The following C20orf203 variants were observed in gnomAD, a reference collection of about 807,000 sequenced individuals.
C20orf203 encodes chromosome 20 open reading frame 203.
A neutral mutation model predicts 15.9 loss-of-function variants in C20orf203; 16 were observed. The ratio of observed to expected loss-of-function variants is 1.01; its 90% CI spans 0.68 to 1.53. The LOEUF is 1.53. Ranked by LOEUF, C20orf203 falls within the 40% of genes most tolerant of loss-of-function variation. C20orf203 has a pLI of 0.00. For missense variants in C20orf203, 263 were observed against 247.5 expected (o/e 1.06, Z -0.42); for synonymous variants, 98 against 97.2 (o/e 1.01, Z -0.05).
At chr20:32,661,459 G>T (rs191947060) in intron 1 of C20orf203, among the ~76,000 whole-genome samples, 14 of 152,320 alleles carry the variant, frequency 9.2e-5, no homozygotes, top group Non-Finnish European at 1.0e-4. Flanking sequence ...TGAAGGATGT[G>T]CTCCAGTGGT....
At chr20:32,663,781 C>T (rs1402124477) in intron 1 of C20orf203, among the ~76,000 whole-genome samples, 3 of 152,220 alleles carry the variant, frequency 2.0e-5, no homozygotes, top group Non-Finnish European at 4.4e-5. Context: ...ACCAGCTGGC[C>T]CAGCCAGGCC....
intron 5 of C20orf203, among the ~76,000 whole-genome samples, chr20:32,640,344 C>G (rs1272371274): frequency 1.3e-5 from 2 of 152,056 alleles, no homozygotes; most frequent in Non-Finnish European, 2.9e-5. Context: ...GCATGCAATT[C>G]AATGGTTGCT....
intron 1 of C20orf203, among the ~76,000 whole-genome samples, chr20:32,655,653 C>T (rs772407047): frequency 4.6e-5 from 7 of 151,992 alleles, no homozygotes; most frequent in Non-Finnish European, 1.0e-4. Flanking sequence ...ATTAGCCCGG[C>T]GTGGTGGCAG....
At chr20:32,651,211 C>T (rs1982616254) in intron 2 of C20orf203, 45 bp from the exon 3 acceptor site, 1 of 494,862 alleles carries the variant, frequency 2.0e-6, no homozygotes, top group East Asian at 3.3e-5. Context: ...GGTGTGTTGG[C>T]TTGCGCCTGA....
In C20orf203 at chr20:32,655,026, C is replaced by T. The variant is rs1049962704; in HGVS notation, c.-263-3045G>A. ...AATAAACCCTCACATTTGGTTCAGC[C>T]GCAAGAGCCGAACATATTTAATGGT... is the stretch of plus-strand genomic sequence containing the variant. On this transcript the variant is annotated intron_variant, in intron 1 of 5. Transcript: ENST00000608990. Among the ~76,000 whole-genome samples the T allele has an allele frequency of 2.6e-4, 39 of 152,024 alleles. 1 individual carries two copies. Among genetic ancestry groups the T allele is most frequent in the African/African-American group, 1.2e-4 (5 of 41,386 alleles).
intron 1 of C20orf203, among the ~76,000 whole-genome samples, chr20:32,667,510 A>G (rs893020895): frequency 1.4e-4 from 22 of 152,184 alleles, no homozygotes; most frequent in Admixed American, 1.1e-3. Flanking sequence ...AATTCCATCC[A>G]TGTAACCCTG....
rs1982066112 is a variant in C20orf203, at chr20:32,633,813, C to T, written c.*1757G>A. ...TCACCGCGTTGCACTACCTGGTCCC[C>T]TGGTCCCAGCCTCCTTTCATGGAAG... On this transcript the variant is annotated 3_prime_UTR_variant, in exon 6 of 6. Transcript: ENST00000608990. 2.6e-6 allele frequency: 1 copy of T among 386,394 alleles called. No homozygotes were observed. Among genetic ancestry groups the T allele is most frequent in the Non-Finnish European group, 4.6e-6 (1 of 218,916 alleles). 23.9% of individuals were successfully genotyped at this position (386,394 alleles called of 1,614,324 possible).
chr20:32,633,910 G>A lies in C20orf203; in HGVS notation c.*1660C>T, dbSNP rs1416351057. 2.5e-6 allele frequency: 1 copy of A among 397,696 alleles called. No individual in the cohort carries two copies. Among genetic ancestry groups the A allele is most frequent in the African/African-American group, 2.1e-5 (1 of 48,628 alleles). The allele number at this position is 397,696 out of a possible 1,614,324, so 24.6% of individuals were successfully genotyped here. A position where few individuals can be genotyped will look rare whatever the true frequency, so the allele number is the denominator to read the frequency against. On this transcript the variant is annotated 3_prime_UTR_variant, in exon 6 of 6. Coordinates refer to ENST00000608990, the MANE Select transcript of C20orf203 (RefSeq NM_182584.4). The stretch of plus-strand genomic sequence containing the variant: ...CTGAACCTTCCACCCCGTCCGCCTG[G>A]ACTGGATGCTTCTCCCGGATCCTGA...
chr20:32,648,069 G>A (rs1011596542), intron 4 of C20orf203, among the ~76,000 whole-genome samples: 6 of 152,198 alleles, frequency 3.9e-5, no homozygotes, highest in African/African-American at 7.2e-5. Context: ...ACAGAGATCT[G>A]CTACTTGGGC....
At chr20:32,660,310 G>A (rs563496526) in intron 1 of C20orf203, among the ~76,000 whole-genome samples, 2 of 152,324 alleles carry the variant, frequency 1.3e-5, no homozygotes, top group Non-Finnish European at 2.9e-5. Flanking sequence ...GAATGACAGA[G>A]CCAAGGGCCA....
intron 1 of C20orf203, among the ~76,000 whole-genome samples, chr20:32,668,789 C>T (rs547188643): frequency 3.3e-5 from 5 of 152,128 alleles, no homozygotes; most frequent in African/African-American, 1.2e-4. Flanking sequence ...TGTAGTCCAG[C>T]CTGGGTGACA....
intron 1 of C20orf203, among the ~76,000 whole-genome samples, chr20:32,664,652 G>A (rs1231864119): frequency 6.6e-6 from 1 of 152,218 alleles, no homozygotes; most frequent in African/African-American, 2.4e-5. Context: ...GAGAGGACCA[G>A]GCAGTGGCTT....
intron 1 of C20orf203, among the ~76,000 whole-genome samples, chr20:32,670,946 C>G (rs1295720480): frequency 1.3e-5 from 2 of 151,392 alleles, no homozygotes; most frequent in Admixed American, 6.6e-5. Context: ...CCTCACTGAT[C>G]ACCAGAGAAA....
chr20:32,650,757 G>C lies in C20orf203; in HGVS notation c.260C>G (p.Pro87Arg), dbSNP rs750670496. The C allele has an allele frequency of 3.3e-6, 5 of 1,526,198 alleles. No individual in the cohort carries two copies. The South Asian group carries it at 6.2e-5, about 19-fold the overall frequency. 94.5% of individuals were successfully genotyped at this position (1,526,198 alleles called of 1,614,324 possible). A position where few individuals can be genotyped will look rare whatever the true frequency, so the allele number is the denominator to read the frequency against. ...TTCCTGATAAGGGCCTGGGTGTTGC[G>C]GAGGAGGAGGCTGGCGCTGGTGGCT... The part of the protein sequence containing the change: ...QPSHQRQPPP[P>R]QHPGPYQERI... The change falls in exon 4 of 6, where the codon CCG (proline) becomes CGG (arginine). Residue 87 changes from proline to arginine, a missense_variant. By Grantham distance (103) the Pro-to-Arg change is moderately radical (BLOSUM62 -2). Transcript: ENST00000608990.
chr20:32,650,777 G>A lies in C20orf203; in HGVS notation c.240C>T (p.His80=). Residue 80 remains histidine, a synonymous_variant, in exon 4 of 6, where the codon CAC becomes CAT. Transcript: ENST00000608990. ...GTTGCGGAGGAGGAGGCTGGCGCTG[G>A]TGGCTGGGCTGGGGGTGGACTCGCT... is the stretch of plus-strand genomic sequence containing the variant. ...KAQRVHPQPS[H]QRQPPPPQHP... The A allele has an allele frequency of 6.6e-7, 1 of 1,513,676 alleles. No homozygotes were observed. Among genetic ancestry groups the A allele is most frequent in the Non-Finnish European group, 8.9e-7 (1 of 1,128,242 alleles). The allele number at this position is 1,513,676 out of a possible 1,614,324, so 93.8% of individuals were successfully genotyped here.
chr20:32,667,262 C>A (rs1056109661), intron 1 of C20orf203, among the ~76,000 whole-genome samples: 1 of 152,152 alleles, frequency 6.6e-6, no homozygotes, highest in African/African-American at 2.4e-5. Context: ...TAAGCAGGGG[C>A]ATCATGTGAT....
chr20:32,650,599 G>T lies in C20orf203; in HGVS notation c.418C>A (p.Pro140Thr), dbSNP rs1374562736. The T allele has an allele frequency of 5.2e-5, 81 of 1,547,890 alleles. No homozygotes were observed. The highest frequency in any genetic ancestry group is 7.0e-5 in the Non-Finnish European group (80 of 1,144,752). ...AAGTCCCCCACCGTGCCCATTCTGG[G>T]CATCCCTCCCATTGCCCTCCCCCGC... is the stretch of plus-strand genomic sequence containing the variant. ...AGRGRAMGGM[P>T]RMGTVGDFGQ... Residue 140 changes from proline (P) to threonine (T), a missense_variant, in exon 4 of 6, where the codon CCC (proline) becomes ACC (threonine). Physicochemically the swap from Pro to Thr is conservative, Grantham distance 38. Transcript: ENST00000608990.
chr20:32,648,987 C>G (rs1982526629), intron 4 of C20orf203, among the ~76,000 whole-genome samples: 1 of 152,172 alleles, frequency 6.6e-6, no homozygotes, highest in Non-Finnish European at 1.5e-5. Flanking sequence ...CAGCTGCCTC[C>G]CCCATGAGGA....
In C20orf203 at chr20:32,666,795, A is replaced by ATT. The variant is rs1157045078; in HGVS notation, c.-264+6835_-264+6836dup. Among the ~76,000 whole-genome samples, 114 of 73,804 alleles carry ATT rather than the reference A, an allele frequency of 1.5e-3. 9 individuals are homozygous for ATT. The highest frequency in any genetic ancestry group is 2.1e-3 in the Non-Finnish European group (73 of 34,112). 48.4% of individuals were successfully genotyped at this position (73,804 alleles called of 152,430 possible). On this transcript the variant is annotated intron_variant, in intron 1 of 5. Transcript: ENST00000608990. Reference sequence around the variant, plus strand: ...AAAAAAAAAGATGAAATTAATTTTAATTTATATATATATATATATATATAT... The same window carrying ATT: ...AAAAAAAAAGATGAAATTAATTTTAATTTTTATATATATATATATATATATAT...
Sources: gnomAD v4.1 joint callset for allele counts (sites outside exome capture counted in the v4.1 genomes callset) on GRCh38, gnomAD v4.1.1 for gene constraint, MANE v1.5 for transcripts, NCBI Gene and HGNC (gene_info 2026-07-23, HGNC 2026-07-21) for gene names.